The following RGS6 variants were observed in gnomAD, a reference collection of about 807,000 sequenced individuals.
RGS6 encodes regulator of G protein signaling 6.
In RGS6, 30 loss-of-function variants were observed where a neutral mutation model predicts 78.5. The ratio of observed to expected loss-of-function variants is 0.38; its 90% CI spans 0.29 to 0.52. The LOEUF (loss-of-function observed/expected upper bound fraction) is 0.52. Among genes scored for constraint, RGS6 ranks in the 20% least tolerant of loss-of-function variants. The pLI, the probability that RGS6 is intolerant of heterozygous loss-of-function variation, is 0.85. For synonymous variants in RGS6, 206 were observed against 206.0 expected (o/e 1.00, Z 0.00); for missense variants, 495 against 609.7 (o/e 0.81, Z 1.98).
chr14:72,035,437 TTTTTTCTATTA>T (rs2091558885), intron 2 of RGS6, among the ~76,000 whole-genome samples: 1 of 152,280 alleles, frequency 6.6e-6, no homozygotes, highest in South Asian at 2.1e-4. Context: ...TTTTTGTTGT[TTTTTTCTATTA>T]TTTTTCTATT....
intron 2 of RGS6, among the ~76,000 whole-genome samples, chr14:72,243,826 C>T (rs930993482): frequency 1.3e-5 from 2 of 151,610 alleles, no homozygotes; most frequent in Admixed American, 6.6e-5. Flanking sequence ...TGGGACAAAG[C>T]GACTTTTAAG....
chr14:72,507,013 A>AG (rs1336451492), intron 13 of RGS6, among the ~76,000 whole-genome samples: 40 of 133,514 alleles, frequency 3.0e-4, no homozygotes, highest in African/African-American at 1.1e-3. Flanking sequence ...AAAAAAAAAA[A>AG]AAAAAATTAG....
intron 2 of RGS6, among the ~76,000 whole-genome samples, chr14:71,994,935 T>C (rs2095130956): frequency 6.6e-6 from 1 of 151,810 alleles, no homozygotes; most frequent in South Asian, 2.1e-4. Context: ...AAGCCTGAGG[T>C]TTTCACCGTC....
the RGS6 span, chr14:72,619,925 G>A: frequency 2.0e-6 from 3 of 1,534,214 alleles, no homozygotes; most frequent in East Asian, 4.9e-5. Context: ...CAGCCACCGG[G>A]GGATTTAAAC....
intron 2 of RGS6, among the ~76,000 whole-genome samples, chr14:72,048,972 C>T (rs2093051729): frequency 6.6e-6 from 1 of 152,084 alleles, no homozygotes; most frequent in South Asian, 2.1e-4. Flanking sequence ...AATAGCATTA[C>T]TTTTATTATG....
chr14:72,281,169 G>C (rs1477857720), intron 2 of RGS6, among the ~76,000 whole-genome samples: 6 of 127,250 alleles, frequency 4.7e-5, no homozygotes, highest in Admixed American at 1.7e-4. Flanking sequence ...TTTTTTTGGA[G>C]ACATAGTCTC....
intron 2 of RGS6, among the ~76,000 whole-genome samples, chr14:72,025,974 A>G (rs929107302): frequency 4.6e-5 from 7 of 152,230 alleles, no homozygotes; most frequent in African/African-American, 1.4e-4. Flanking sequence ...TATTCATTCA[A>G]TAATGAGCAG....
At chr14:72,536,160 T>C in intron 15 of RGS6, 26 bp from the exon 16 acceptor site, 1 of 1,561,146 alleles carries the variant, frequency 6.4e-7, no homozygotes, top group Non-Finnish European at 8.8e-7. Flanking sequence ...CCCTTCCTTG[T>C]GTCTCCTTGT....
the RGS6 span, among the ~76,000 whole-genome samples, chr14:71,905,856 T>G: frequency 2.6e-5 from 4 of 152,188 alleles, no homozygotes; most frequent in Non-Finnish European, 4.4e-5. Context: ...AGCCCATTTA[T>G]CTTGTAGGCT....
intron 2 of RGS6, among the ~76,000 whole-genome samples, chr14:72,218,668 G>A (rs548929611): frequency 8.3e-4 from 127 of 152,168 alleles, no homozygotes; most frequent in African/African-American, 2.9e-3. Context: ...CTGTAGTGCA[G>A]TGGCACGATC....
At chr14:72,474,936 G>A (rs909188242) in intron 10 of RGS6, among the ~76,000 whole-genome samples, 7 of 151,424 alleles carry the variant, frequency 4.6e-5, no homozygotes, top group Non-Finnish European at 1.0e-4. Flanking sequence ...AAGCCAACAG[G>A]CAACAGGGCC....
In RGS6 at chr14:72,369,777, C is replaced by T. The variant is rs558927697; in HGVS notation, c.184+17583C>T. ...CCAGGTCTAATGTAGTTTAAAATAT[C>T]TTTTGGATATCATAACTAATCATAT... On this transcript the variant is annotated intron_variant, in intron 3 of 17. Coordinates refer to ENST00000553525, the MANE Select transcript of RGS6 (RefSeq NM_001204424.2). Among the ~76,000 whole-genome samples the T allele has an allele frequency of 3.9e-5, 6 of 152,150 alleles. No individual in the cohort carries two copies. In the East Asian group the frequency reaches 9.7e-4, roughly 25 times the overall value.
chr14:72,106,567 C>G (rs1426420114), intron 2 of RGS6, among the ~76,000 whole-genome samples: 1 of 152,206 alleles, frequency 6.6e-6, no homozygotes, highest in Non-Finnish European at 1.5e-5. Flanking sequence ...ATTCCTTTCT[C>G]CTTCCAAATT....
At chr14:72,264,407 T>G (rs959261916) in intron 2 of RGS6, among the ~76,000 whole-genome samples, 1 of 152,218 alleles carries the variant, frequency 6.6e-6, no homozygotes, top group African/African-American at 2.4e-5. Flanking sequence ...CTTTGAGTGG[T>G]TACTGGGGGG....
chr14:72,253,629 C>T (rs847240), intron 2 of RGS6, among the ~76,000 whole-genome samples: 41,933 of 152,102 alleles, frequency 0.28, 6,466 homozygotes, highest in South Asian at 0.41. Context: ...GATTTTGCTT[C>T]CTCACCTCCT....
chr14:72,165,880 G>A (rs1325739789), intron 2 of RGS6, among the ~76,000 whole-genome samples: 2 of 152,106 alleles, frequency 1.3e-5, no homozygotes, highest in Non-Finnish European at 2.9e-5. Flanking sequence ...AATTCTTGCT[G>A]TGTTAAATAT....
At chr14:72,052,988 TCTCTCTCTC>T (rs2093373854) in intron 2 of RGS6, among the ~76,000 whole-genome samples, 2 of 65,296 alleles carry the variant, frequency 3.1e-5, no homozygotes, top group African/African-American at 7.8e-5. Context: ...TTTCTTTCTC[TCTCTCTCTC>T]TCTCTCTCTT....
At chr14:71,973,995 C>T (rs952839235) in intron 2 of RGS6, among the ~76,000 whole-genome samples, 2 of 152,104 alleles carry the variant, frequency 1.3e-5, no homozygotes, top group Non-Finnish European at 2.9e-5. Context: ...ATGAGTATAA[C>T]TTTCTAATTT....
At chr14:72,038,632 G>A (rs1226452155) in intron 2 of RGS6, among the ~76,000 whole-genome samples, 2 of 152,054 alleles carry the variant, frequency 1.3e-5, no homozygotes, top group Admixed American at 6.5e-5. Context: ...TTATATGTAA[G>A]TATTTCAATT....
Sources: allele counts gnomAD v4.1 joint callset (sites outside exome capture counted in the v4.1 genomes callset), GRCh38; gene constraint gnomAD v4.1.1; transcripts MANE v1.5; gene names NCBI Gene and HGNC (gene_info 2026-07-23, HGNC 2026-07-21).